DOK5: variants seen among roughly 807,000 people sequenced by gnomAD.
DOK5 encodes downstream of tyrosine kinase 5.
In DOK5, 27 loss-of-function variants were observed where a neutral mutation model predicts 43.3. That is an observed-to-expected ratio of 0.62 (90% CI 0.46 to 0.86). The LOEUF (loss-of-function observed/expected upper bound fraction) is 0.86, where lower values mean the gene tolerates loss of function less well. Among genes scored for constraint, DOK5 ranks in the 40% least tolerant of loss-of-function variants. The pLI is 0.00. For synonymous variants in DOK5, 146 were observed against 140.1 expected (o/e 1.04, Z -0.30); for missense variants, 373 against 392.9 (o/e 0.95, Z 0.43).
At chr20:54,613,388 ATATT>A (rs1201677977) in intron 6 of DOK5, among the ~76,000 whole-genome samples, 4 of 152,196 alleles carry the variant, frequency 2.6e-5, no homozygotes, top group Admixed American at 2.0e-4. Context: ...AGAAATCATT[ATATT>A]TATTATTTTC....
rs763634222 is a variant in DOK5, at chr20:54,554,979, G to A, written c.113G>A (p.Gly38Asp). Reference sequence around the variant, plus strand: ...GTATTCAAGAAAGCTTCAAGCAAAGGTCCAAAAAGACTGGAGAAATTTTCT... The same window carrying A: ...GTATTCAAGAAAGCTTCAAGCAAAGATCCAAAAAGACTGGAGAAATTTTCT... ...WLVFKKASSK[G>D]PKRLEKFSDE... Residue 38 changes from glycine to aspartate, a missense_variant, in exon 2 of 8, where the codon GGT becomes GAT. Physicochemically the swap from Gly to Asp is moderately conservative, Grantham distance 94. Coordinates refer to ENST00000262593, the MANE Select transcript of DOK5 (RefSeq NM_018431.5). 1.9e-6 allele frequency: 3 copies of A among 1,613,988 alleles called. No homozygotes were observed. The highest frequency in any genetic ancestry group is 2.5e-6 in the Non-Finnish European group (3 of 1,179,934).
At chr20:54,643,793 G>A (rs567340173) in intron 7 of DOK5, among the ~76,000 whole-genome samples, 88 of 152,262 alleles carry the variant, frequency 5.8e-4, no homozygotes, top group African/African-American at 1.7e-3. Flanking sequence ...CACAGTGTCC[G>A]GGGGGAAGTC....
intron 6 of DOK5, among the ~76,000 whole-genome samples, chr20:54,619,355 C>G (rs1986914241): frequency 6.6e-6 from 1 of 151,820 alleles, no homozygotes; most frequent in Non-Finnish European, 1.5e-5. Context: ...CTCAGGCACT[C>G]CCCTGAGCAG....
intron 2 of DOK5, among the ~76,000 whole-genome samples, chr20:54,576,798 C>T (rs1226533335): frequency 6.6e-6 from 1 of 152,122 alleles, no homozygotes; most frequent in Non-Finnish European, 1.5e-5. Context: ...TCTTAAAGTC[C>T]AAGTAGGAAA....
intron 5 of DOK5, among the ~76,000 whole-genome samples, chr20:54,605,136 CAGAG>C (rs375163730): frequency 1.5e-4 from 22 of 150,822 alleles, no homozygotes; most frequent in Non-Finnish European, 1.9e-4. Flanking sequence ...CAAACACACA[CAGAG>C]AGAGAGAGAG....
At chr20:54,641,339 T>C (rs1401233156) in intron 6 of DOK5, among the ~76,000 whole-genome samples, 1 of 152,132 alleles carries the variant, frequency 6.6e-6, no homozygotes, top group African/African-American at 2.4e-5. Flanking sequence ...TATTATAATC[T>C]TTTTTTCAAG....
intron 6 of DOK5, among the ~76,000 whole-genome samples, chr20:54,618,687 A>G (rs1288664053): frequency 2.0e-5 from 3 of 152,096 alleles, no homozygotes; most frequent in African/African-American, 7.2e-5. Context: ...AGTACCTTTC[A>G]GAAGCATCTA....
chr20:54,502,390 A>C lies in DOK5; in HGVS notation c.66+26378A>C, dbSNP rs200329955. Among the ~76,000 whole-genome samples the C allele has an allele frequency of 1.9e-4, 29 of 152,324 alleles. No homozygotes were observed. In the East Asian group the frequency reaches 5.4e-3, roughly 28 times the overall value. ...GAATGGTTAGTATCGTTGCTCTGCT[A>C]TGCACTCATTTAATGAGTCATTTTA... On this transcript the variant is annotated intron_variant, in intron 1 of 7. Transcript: ENST00000262593.
intron 1 of DOK5, among the ~76,000 whole-genome samples, chr20:54,488,646 T>C (rs992819045): frequency 2.0e-5 from 3 of 151,856 alleles, no homozygotes; most frequent in African/African-American, 7.3e-5. Flanking sequence ...TTATCTTACA[T>C]ATATTATTTG....
intron 1 of DOK5, among the ~76,000 whole-genome samples, chr20:54,507,628 G>A (rs1762967882): frequency 6.6e-6 from 1 of 152,192 alleles, no homozygotes; most frequent in African/African-American, 2.4e-5. Context: ...GAATGATGAG[G>A]TGTCTGCTTT....
chr20:54,491,389 T>C (rs554440689), intron 1 of DOK5, among the ~76,000 whole-genome samples: 70 of 152,324 alleles, frequency 4.6e-4, no homozygotes, highest in Non-Finnish European at 6.3e-4. Context: ...CATATTCATA[T>C]ATGTCAAGAA....
chr20:54,527,747 G>T (rs1983627295), intron 1 of DOK5, among the ~76,000 whole-genome samples: 1 of 152,190 alleles, frequency 6.6e-6, no homozygotes, highest in Non-Finnish European at 1.5e-5. Flanking sequence ...TAAGATTTAA[G>T]GTTGGTGTAT....
chr20:54,604,938 G>A (rs1375766082), intron 5 of DOK5, among the ~76,000 whole-genome samples: 3 of 151,296 alleles, frequency 2.0e-5, no homozygotes, highest in Admixed American at 1.3e-4. Context: ...AGGTGGAAAG[G>A]TTGCAGTGAG....
intron 1 of DOK5, among the ~76,000 whole-genome samples, chr20:54,536,646 C>G (rs1400211251): frequency 6.6e-6 from 1 of 152,172 alleles, no homozygotes; most frequent in African/African-American, 2.4e-5. Context: ...AGCCTGCTCT[C>G]CCTGGCCAGA....
intron 1 of DOK5, among the ~76,000 whole-genome samples, chr20:54,541,875 G>A (rs1647593859): frequency 6.6e-6 from 1 of 151,910 alleles, no homozygotes; most frequent in Non-Finnish European, 1.5e-5. Flanking sequence ...TCTGACTCAA[G>A]GCCATTTATT....
intron 1 of DOK5, among the ~76,000 whole-genome samples, chr20:54,552,723 A>G (rs1456327541): frequency 2.6e-5 from 4 of 152,168 alleles, no homozygotes; most frequent in African/African-American, 9.7e-5. Context: ...CTAACATTTT[A>G]TTGTACATTC....
intron 1 of DOK5, among the ~76,000 whole-genome samples, chr20:54,525,917 C>A (rs1450610155): frequency 6.6e-6 from 1 of 152,136 alleles, no homozygotes; most frequent in East Asian, 1.9e-4. Flanking sequence ...AGATTCGGGG[C>A]CAAACATTGA....
At chr20:54,607,625 G>A (rs1000668390) in intron 5 of DOK5, among the ~76,000 whole-genome samples, 1 of 151,402 alleles carries the variant, frequency 6.6e-6, no homozygotes, top group East Asian at 2.0e-4. Context: ...AGTGACTCAT[G>A]CCTGTAATCC....
chr20:54,502,310 G>T (rs1982638954), intron 1 of DOK5, among the ~76,000 whole-genome samples: 1 of 152,134 alleles, frequency 6.6e-6, no homozygotes, highest in Admixed American at 6.6e-5. Flanking sequence ...TATGTATAAG[G>T]TAATTCTTTG....
Sources: gnomAD v4.1 joint callset for allele counts (sites outside exome capture counted in the v4.1 genomes callset) on GRCh38, gnomAD v4.1.1 for gene constraint, MANE v1.5 for transcripts, NCBI Gene and HGNC (gene_info 2026-07-23, HGNC 2026-07-21) for gene names.